Variants in LIPE observed in about 807,000 individuals in gnomAD.
LIPE encodes the protein hormone-sensitive lipase.
In LIPE, 66 loss-of-function variants were observed where a neutral mutation model predicts 88.5. The observed-to-expected ratio is 0.75, with a 90% CI of 0.61 to 0.91. The LOEUF is 0.91. Ranked by LOEUF, LIPE falls within the 40% of genes least tolerant of loss-of-function variation. LIPE has a pLI of 0.00. For missense variants in LIPE, 1,346 were observed against 1,434.7 expected (o/e 0.94, Z 1.00); for synonymous variants, 570 against 617.5 (o/e 0.92, Z 1.14).
chr19:42,402,469 C>T (rs751736066), intron 9 of LIPE, 138 bp downstream of exon 9: 1 of 727,898 alleles, frequency 1.4e-6, no homozygotes, highest in African/African-American at 1.8e-5. Context: ...GGGCATTGTT[C>T]TCCCCTGGGG....
Position 42,401,533 on chromosome 19 carries a change from A to T in LIPE, c.*279T>A, listed in dbSNP as rs768983638. On this transcript the variant is annotated 3_prime_UTR_variant, in exon 10 of 10. Transcript: ENST00000244289. ...CCAAACTAATTAAATACTTTTATTT[A>T]CAACAAACCAAACCGACCTGCAAGG... 1 of 439,420 alleles carries T rather than the reference A, an allele frequency of 2.3e-6. No homozygotes were observed. The highest frequency in any genetic ancestry group is 4.0e-6 in the Non-Finnish European group (1 of 248,422). 27.2% of individuals were successfully genotyped at this position (439,420 alleles called of 1,614,324 possible). A position where few individuals can be genotyped will look rare whatever the true frequency, so the allele number is the denominator to read the frequency against.
rs1232676314 is a variant in LIPE at position 42,426,698 on chromosome 19, T to C, written c.452A>G (p.Gln151Arg). The C allele has an allele frequency of 6.2e-7, 1 of 1,614,230 alleles. No homozygotes were observed. The highest frequency in any genetic ancestry group is 8.5e-7 in the Non-Finnish European group (1 of 1,180,042). ...GGCCGCAGGTGTTGATTCAGCTTCTTGTTGAGCTGGAGGTGGCTCTCCTGG... is the reference window on the plus strand; with the variant it reads ...GGCCGCAGGTGTTGATTCAGCTTCTCGTTGAGCTGGAGGTGGCTCTCCTGG... ...PGPGEPPPAQ[Q>R]EAESTPAAQA... The change falls in exon 1 of 10, where the codon CAA becomes CGA. Residue 151 changes from glutamine (Q) to arginine (R), a missense_variant. Physicochemically the swap from Gln to Arg is conservative, Grantham distance 43. Coordinates refer to ENST00000244289, the MANE Select transcript of LIPE (RefSeq NM_005357.4).
Position 42,416,608 on chromosome 19 carries a change from G to A in LIPE, c.884-5766C>T, listed in dbSNP as rs149338480. Among the ~76,000 whole-genome samples, 30 of 152,240 alleles carry A rather than the reference G, an allele frequency of 2.0e-4. No individual in the cohort carries two copies. In the East Asian group the frequency reaches 5.6e-3, roughly 28 times the overall value. ...TGCAGCTGGTGACTCAGTTGAAGCC[G>A]GTGTTCATTTATCATTCCAGAAATT... On this transcript the variant is annotated intron_variant, in intron 1 of 9. Transcript: ENST00000244289.
intron 1 of LIPE, among the ~76,000 whole-genome samples, chr19:42,411,050 C>T (rs1373859066): frequency 6.6e-6 from 1 of 152,186 alleles, no homozygotes. Context: ...GTTTGGGGCC[C>T]CAGTTCCCAG....
rs973868761 is a variant in LIPE at position 42,411,206 on chromosome 19, T to C, written c.884-364A>G. On this transcript the variant is annotated intron_variant, in intron 1 of 9. Coordinates refer to ENST00000244289, the MANE Select transcript of LIPE (RefSeq NM_005357.4). ...TTTGGGACTCAGAAACTTGCTGCCCTGGCCTCCTGAATCCGGACATTCCCT... is the reference window on the plus strand; with the variant it reads ...TTTGGGACTCAGAAACTTGCTGCCCCGGCCTCCTGAATCCGGACATTCCCT... 3.0e-5 allele frequency: 20 copies of C among 656,368 alleles called. No individual in the cohort carries two copies. In the African/African-American group the frequency reaches 4.0e-4, roughly 13 times the overall value. 40.7% of individuals were successfully genotyped at this position (656,368 alleles called of 1,614,324 possible).
chr19:42,415,670 C>CGTG (rs1403740559), intron 1 of LIPE, among the ~76,000 whole-genome samples: 1 of 151,986 alleles, frequency 6.6e-6, no homozygotes, highest in Admixed American at 6.6e-5. Flanking sequence ...ATCAGCCGGG[C>CGTG]GTGGTGGTGG....
At chr19:42,412,760 C>A (rs2040409916) in intron 1 of LIPE, among the ~76,000 whole-genome samples, 1 of 152,212 alleles carries the variant, frequency 6.6e-6, no homozygotes, top group African/African-American at 2.4e-5. Flanking sequence ...CCAGGCTGCC[C>A]TCTCTGTCCC....
chr19:42,407,480 G>A lies in LIPE; in HGVS notation c.1843-12C>T, dbSNP rs2040223954. Reference sequence around the variant, plus strand: ...AGCTCCTCACTGTCCTGGGGGTGAGGAGGGAGACGGTGTGTGAGGTTGGGG... The same window carrying A: ...AGCTCCTCACTGTCCTGGGGGTGAGAAGGGAGACGGTGTGTGAGGTTGGGG... On this transcript the variant is annotated splice_polypyrimidine_tract_variant and intron_variant, in intron 5 of 9. Transcript: ENST00000244289. This position sits in a 1 kb window ranked among gnomAD's most constrained non-coding sequence, Gnocchi z 5.8. 1 of 1,604,046 alleles carries A rather than the reference G, an allele frequency of 6.2e-7. No homozygotes were observed. Among genetic ancestry groups the A allele is most frequent in the Non-Finnish European group, 8.5e-7 (1 of 1,173,080 alleles).
intron 7 of LIPE, 185 bp downstream of exon 7, chr19:42,405,976 T>TCACACACACACA (rs57282318): frequency 8.1e-5 from 34 of 418,578 alleles, no homozygotes; most frequent in Non-Finnish European, 9.4e-5. Flanking sequence ...TCTCTCTCTC[T>TCACACACACACA]CACACACACA....
In LIPE at chr19:42,427,361, C is replaced by G; in HGVS notation, c.-212G>C. On this transcript the variant is annotated 5_prime_UTR_variant, in exon 1 of 10. Coordinates refer to ENST00000244289, the MANE Select transcript of LIPE (RefSeq NM_005357.4). ...CCCCACTAAGTAATGAACTCTGTGC[C>G]TCTTTCTTTGGTGGGAGGATTAGGA... 1 of 805,200 alleles carries G rather than the reference C, an allele frequency of 1.2e-6. No homozygotes were observed. The highest frequency in any genetic ancestry group is 3.1e-5 in the South Asian group (1 of 31,914). 49.9% of individuals were successfully genotyped at this position (805,200 alleles called of 1,614,324 possible).
rs745332680 is a variant in LIPE at position 42,426,311 on chromosome 19, T to A, written c.839A>T (p.His280Leu). The A allele has an allele frequency of 7.5e-6, 12 of 1,607,448 alleles. No homozygotes were observed. In the East Asian group the frequency reaches 2.5e-4, roughly 33 times the overall value. The change falls in exon 1 of 10, where the codon CAT (histidine) becomes CTT (leucine). Residue 280 changes from histidine (H) to leucine (L), a missense_variant. Transcript: ENST00000244289. ...VMSGYSGTSP[H>L]EKTSARNHRH... ...GTGATTCCGAGCACTGGTTTTCTCA[T>A]GTGGCGACGTCCCACTGTATCCTGA...
chr19:42,426,154 G>T, intron 1 of LIPE, 113 bp downstream of exon 1: 1 of 688,486 alleles, frequency 1.5e-6, no homozygotes, highest in Non-Finnish European at 2.2e-6. Context: ...CTTTATCTCA[G>T]GATTGTTGAA....
chr19:42,418,523 A>G (rs2040534055), intron 1 of LIPE, among the ~76,000 whole-genome samples: 1 of 152,150 alleles, frequency 6.6e-6, no homozygotes, highest in Admixed American at 6.5e-5. Flanking sequence ...GATCATTAGC[A>G]TAGTATGGGG....
intron 1 of LIPE, among the ~76,000 whole-genome samples, chr19:42,425,452 A>G (rs992182867): frequency 2.0e-5 from 3 of 152,118 alleles, no homozygotes; most frequent in African/African-American, 4.8e-5. Context: ...GCCACTTCCT[A>G]ACTGCATGGC....
chr19:42,411,400 A>G, intron 1 of LIPE: 2 of 911,558 alleles, frequency 2.2e-6, no homozygotes, highest in East Asian at 1.2e-4. Context: ...CTAAACCTCC[A>G]GTTGGTCCCC....
chr19:42,417,798 AT>A (rs2040518506), intron 1 of LIPE, among the ~76,000 whole-genome samples: 1 of 152,170 alleles, frequency 6.6e-6, no homozygotes, highest in Non-Finnish European at 1.5e-5. Context: ...AGGCAGGAAG[AT>A]AGCTTGAGGC....
Position 42,410,677 on chromosome 19 carries a change from G to GGCTCCAGCCCCAGCGCCT in LIPE, c.1031_1048dup (p.Gln344_Glu349dup). On this transcript the variant is annotated inframe_insertion, in exon 2 of 10. Coordinates refer to ENST00000244289, the MANE Select transcript of LIPE (RefSeq NM_005357.4). The surrounding 1 kb of genome is among the most constrained non-coding windows in gnomAD (Gnocchi z 6.1). ...CACACCCAGCAGGCGGCCCAGGGCC[G>GGCTCCAGCCCCAGCGCCT]GCTCCAGCCCCAGCGCCTGCTCCCG... 1 of 1,612,168 alleles carries GGCTCCAGCCCCAGCGCCT rather than the reference G, an allele frequency of 6.2e-7. No individual in the cohort carries two copies. Among genetic ancestry groups the GGCTCCAGCCCCAGCGCCT allele is most frequent in the South Asian group, 1.1e-5 (1 of 90,998 alleles).
Position 42,426,539 on chromosome 19 carries a change from A to G in LIPE, c.611T>C (p.Leu204Pro), listed in dbSNP as rs1250390598. ...AKSKQGSLTE[L>P]GFLTKLQELS... ...TTCCTGAAGTTTTGTTAGAAATCCC[A>G]GCTCTGTCAAAGATCCCTGCTTGGA... is the stretch of plus-strand genomic sequence containing the variant. The change falls in exon 1 of 10, where the codon CTG becomes CCG. Residue 204 changes from leucine (L) to proline (P), a missense_variant. Coordinates refer to ENST00000244289, the MANE Select transcript of LIPE (RefSeq NM_005357.4). The G allele has an allele frequency of 1.2e-6, 2 of 1,614,212 alleles. No homozygotes were observed.
chr19:42,406,103 C>T lies in LIPE; in HGVS notation c.2365+58G>A. ...CAGGAGTCCTGGTCCCCAGCCCGTCCCTGCAGGAGTCAGACATCCATGCAG... is the reference window on the plus strand; with the variant it reads ...CAGGAGTCCTGGTCCCCAGCCCGTCTCTGCAGGAGTCAGACATCCATGCAG... On this transcript the variant is annotated intron_variant, in intron 7 of 9. Coordinates refer to ENST00000244289, the MANE Select transcript of LIPE (RefSeq NM_005357.4). This position sits in a 1 kb window ranked among gnomAD's most constrained non-coding sequence, Gnocchi z 5.7. 1 of 1,459,590 alleles carries T rather than the reference C, an allele frequency of 6.9e-7. No individual in the cohort carries two copies. The highest frequency in any genetic ancestry group is 9.4e-7 in the Non-Finnish European group (1 of 1,059,658). 90.4% of individuals were successfully genotyped at this position (1,459,590 alleles called of 1,614,324 possible).
Sources: allele counts gnomAD v4.1 joint callset (sites outside exome capture counted in the v4.1 genomes callset), GRCh38; gene constraint gnomAD v4.1.1; non-coding constraint Gnocchi (gnomAD v3.1); transcripts MANE v1.5; gene names NCBI Gene and HGNC (gene_info 2026-07-23, HGNC 2026-07-21).